CACNA1B: variants seen among roughly 807,000 people sequenced by gnomAD.
The protein encoded by CACNA1B is voltage-dependent N-type calcium channel subunit alpha-1B.
In CACNA1B, 70 loss-of-function variants were observed where a neutral mutation model predicts 247.2. The observed-to-expected ratio is 0.28, with a 90% confidence interval of 0.23 to 0.35. The LOEUF (loss-of-function observed/expected upper bound fraction) is 0.35. Ranked by LOEUF, CACNA1B falls within the 10% of genes least tolerant of loss-of-function variation. The probability of loss-of-function intolerance (pLI) is 1.00; values close to 1 mark genes in which losing one functional copy is unlikely to be tolerated. For synonymous variants in CACNA1B, 1,231 were observed against 1,294.4 expected (o/e 0.95, Z 1.05); for missense variants, 2,367 against 3,197.4 (o/e 0.74, Z 6.26).
intron 44 of CACNA1B, 148 bp from the exon 45 acceptor site, chr9:138,120,017 A>G: frequency 1.5e-6 from 1 of 679,174 alleles, no homozygotes; most frequent in Non-Finnish European, 2.5e-6. Context: ...CTGGGCTACC[A>G]TTTCAGGCCT....
chr9:138,006,246 T>G (rs1205266483), intron 15 of CACNA1B, among the ~76,000 whole-genome samples: 1 of 151,974 alleles, frequency 6.6e-6, no homozygotes, highest in Non-Finnish European at 1.5e-5. Flanking sequence ...TTCCAAAAAT[T>G]AAAGTAGAAA....
At chr9:138,044,827 C>T (rs1171119086) in intron 21 of CACNA1B, among the ~76,000 whole-genome samples, 1 of 152,244 alleles carries the variant, frequency 6.6e-6, no homozygotes, top group East Asian at 1.9e-4. Flanking sequence ...CCGCTCCCTG[C>T]CTCCTCCCCC....
Position 137,986,579 on chromosome 9 carries a change from G to C in CACNA1B, c.1901+35G>C. 6.2e-7 allele frequency: 1 copy of C among 1,612,036 alleles called. No individual in the cohort carries two copies. Among genetic ancestry groups the C allele is most frequent in the Non-Finnish European group, 8.5e-7 (1 of 1,178,756 alleles). On this transcript the variant is annotated intron_variant, in intron 14 of 46. Coordinates refer to ENST00000371372, the MANE Select transcript of CACNA1B (RefSeq NM_000718.4). This position sits in a 1 kb window ranked among gnomAD's most constrained non-coding sequence, Gnocchi z 6.0. Reference sequence around the variant, plus strand: ...CCCGGGAGGGAGAGCTCAAGGCTGGGGGCTTGCAGGGAAGCAGAGCTCAGA... The same window carrying C: ...CCCGGGAGGGAGAGCTCAAGGCTGGCGGCTTGCAGGGAAGCAGAGCTCAGA...
At position 137,954,856 on chromosome 9, in the gene CACNA1B, T is replaced by TGTGTGTGTGTGTGTGTG. The variant is rs1554737971; in HGVS notation, c.1071-842_1071-841insGTGTGTGTGTGTGTGTG. On this transcript the variant is annotated intron_variant, in intron 7 of 46. Transcript: ENST00000371372. The surrounding 1 kb of genome is among the most constrained non-coding windows in gnomAD (Gnocchi z 4.1). ...ACACCCACTCCACCAACTCAGAAGC[T>TGTGTGTGTGTGTGTGTG]TGTGTGTGTGTGTGTGTGTGTGTGA... is the stretch of plus-strand genomic sequence containing the variant. Among the ~76,000 whole-genome samples, 13 of 120,938 alleles carry TGTGTGTGTGTGTGTGTG rather than the reference T, an allele frequency of 1.1e-4. No individual in the cohort carries two copies. Among genetic ancestry groups the TGTGTGTGTGTGTGTGTG allele is most frequent in the African/African-American group, 3.2e-4 (8 of 25,254 alleles). The allele number at this position is 120,938 out of a possible 152,430, so 79.3% of individuals were successfully genotyped here. A position where few individuals can be genotyped will look rare whatever the true frequency, so the allele number is the denominator to read the frequency against.
chr9:137,912,502 C>T (rs1036485428), intron 3 of CACNA1B, among the ~76,000 whole-genome samples: 9 of 152,090 alleles, frequency 5.9e-5, no homozygotes, highest in African/African-American at 1.7e-4. Flanking sequence ...GTGGTGAGAC[C>T]GAGGATTGAC....
chr9:138,021,295 C>T (rs1316185403), intron 18 of CACNA1B, among the ~76,000 whole-genome samples: 1 of 152,138 alleles, frequency 6.6e-6, no homozygotes, highest in African/African-American at 2.4e-5. Flanking sequence ...CAGACGGCCC[C>T]TACAGGTAGC....
chr9:138,051,165 G>A lies in CACNA1B; in HGVS notation c.3711-927G>A, dbSNP rs1249627280. 1.3e-5 allele frequency among the ~76,000 whole-genome samples: 2 copies of A among 152,088 alleles called. No individual in the cohort carries two copies. Among genetic ancestry groups the A allele is most frequent in the Non-Finnish European group, 2.9e-5 (2 of 68,008 alleles). ...CTTCTGAGAACGGGGGCCGCCTTAGGAGGAAATCTCTCCTAGACACTGCTG... is the reference window on the plus strand; with the variant it reads ...CTTCTGAGAACGGGGGCCGCCTTAGAAGGAAATCTCTCCTAGACACTGCTG... On this transcript the variant is annotated intron_variant, in intron 24 of 46. Coordinates refer to ENST00000371372, the MANE Select transcript of CACNA1B (RefSeq NM_000718.4). This position sits in a 1 kb window ranked among gnomAD's most constrained non-coding sequence, Gnocchi z 4.3.
At chr9:138,084,743 A>G (rs1450201369) in intron 36 of CACNA1B, among the ~76,000 whole-genome samples, 1 of 151,138 alleles carries the variant, frequency 6.6e-6, no homozygotes, top group African/African-American at 2.5e-5. Flanking sequence ...TGAGGTCAGG[A>G]GATCAAGACC....
rs1230420684 is a variant in CACNA1B, at chr9:137,877,785, T to TGAG, written c.-147_-145dup. 3.9e-6 allele frequency: 1 copy of TGAG among 253,826 alleles called. No individual in the cohort carries two copies. Among genetic ancestry groups the TGAG allele is most frequent in the East Asian group, 1.8e-4 (1 of 5,542 alleles). 15.7% of individuals were successfully genotyped at this position (253,826 alleles called of 1,614,324 possible). On this transcript the variant is annotated 5_prime_UTR_variant, in exon 1 of 47. Coordinates refer to ENST00000371372, the MANE Select transcript of CACNA1B (RefSeq NM_000718.4). ...CGTGGCGCGGGGCCGCGGAGTCGGG[T>TGAG]GAGGCGGCGGCGGCTGCGGCGGTGG...
At chr9:137,996,048 C>A (rs745621804) in intron 15 of CACNA1B, among the ~76,000 whole-genome samples, 2 of 152,156 alleles carry the variant, frequency 1.3e-5, no homozygotes, top group African/African-American at 2.4e-5. Flanking sequence ...CACTTTTACA[C>A]TGTTAGTGAG....
At chr9:138,024,905 C>A in intron 19 of CACNA1B, 50 bp from the exon 20 acceptor site, 2 of 1,340,954 alleles carry the variant, frequency 1.5e-6, no homozygotes, top group South Asian at 1.3e-5. Flanking sequence ...GTGCCGGGAT[C>A]ACAGGTGTGA....
At chr9:138,063,151 C>G (rs1032864296) in intron 31 of CACNA1B, among the ~76,000 whole-genome samples, 1 of 152,282 alleles carries the variant, frequency 6.6e-6, no homozygotes, top group African/African-American at 2.4e-5. Flanking sequence ...AATGTCTTGG[C>G]AGGCACAGTG....
rs1403044321 is a variant in CACNA1B at position 138,012,486 on chromosome 9, G to A, written c.2161-643G>A. Among the ~76,000 whole-genome samples, 3 of 152,104 alleles carry A rather than the reference G, an allele frequency of 2.0e-5. No homozygotes were observed. Among genetic ancestry groups the A allele is most frequent in the African/African-American group, 7.2e-5 (3 of 41,430 alleles). ...AGGCCAGGCATGGTAGCTAACACCT[G>A]TACTCCCAGCACTTTGGGAGGCCGA... On this transcript the variant is annotated intron_variant, in intron 17 of 46. Transcript: ENST00000371372. This position sits in a 1 kb window ranked among gnomAD's most constrained non-coding sequence, Gnocchi z 4.2.
intron 6 of CACNA1B, among the ~76,000 whole-genome samples, chr9:137,935,609 G>T (rs1957656863): frequency 6.6e-6 from 1 of 152,150 alleles, no homozygotes; most frequent in Non-Finnish European, 1.5e-5. Flanking sequence ...AATCCTTTGG[G>T]TATATACCCA....
Position 138,119,121 on chromosome 9 carries a change from G to C in CACNA1B, c.6030+353G>C, listed in dbSNP as rs948106486. Among the ~76,000 whole-genome samples the C allele has an allele frequency of 2.6e-5, 4 of 152,186 alleles. No homozygotes were observed. The South Asian group carries it at 8.3e-4, about 32-fold the overall frequency. On this transcript the variant is annotated intron_variant, in intron 44 of 46. Transcript: ENST00000371372. ...TCCTTTCCGGGGCTCTACTCCCTGA[G>C]ACAACCCCCACTCTCATCCAGAAAA...
At chr9:138,066,582 T>C (rs761494713) in intron 31 of CACNA1B, among the ~76,000 whole-genome samples, 4 of 152,184 alleles carry the variant, frequency 2.6e-5, no homozygotes, top group Non-Finnish European at 4.4e-5. Flanking sequence ...TCACAGGGCC[T>C]GTGTGGCTGA....
At chr9:137,956,396 G>A (rs993196640) in intron 8 of CACNA1B, among the ~76,000 whole-genome samples, 1 of 152,200 alleles carries the variant, frequency 6.6e-6, no homozygotes, top group East Asian at 1.9e-4. Context: ...AGTGGCTCAC[G>A]CCTACAGTCC....
chr9:138,022,984 C>T, intron 18 of CACNA1B, 27 bp from the exon 19 acceptor site: 2 of 1,464,438 alleles, frequency 1.4e-6, no homozygotes, highest in Non-Finnish European at 1.8e-6. Flanking sequence ...GCAGACGGGG[C>T]CGCGCTCACC....
At chr9:138,000,306 G>A (rs7022776) in intron 15 of CACNA1B, among the ~76,000 whole-genome samples, 55,714 of 151,858 alleles carry the variant, frequency 0.37, 14,238 homozygotes, top group African/African-American at 0.71. Flanking sequence ...CACCGTGTTA[G>A]CCAGGATGGT....
Sources: gnomAD v4.1 joint callset for allele counts (sites outside exome capture counted in the v4.1 genomes callset) on GRCh38, gnomAD v4.1.1 for gene constraint, Gnocchi (gnomAD v3.1) non-coding constraint, MANE v1.5 for transcripts, NCBI Gene and HGNC (gene_info 2026-07-23, HGNC 2026-07-21) for gene names.